DENND2B: variants seen among roughly 807,000 people sequenced by gnomAD.
DENND2B encodes DENN domain containing 2B, also known as DENN domain-containing protein 2B.
In DENND2B, 32 loss-of-function variants were observed where a neutral mutation model predicts 116.0. The observed-to-expected ratio is 0.28, with a 90% CI of 0.21 to 0.37. The LOEUF (loss-of-function observed/expected upper bound fraction) is 0.37, where lower values mean the gene tolerates loss of function less well. Among genes scored for constraint, DENND2B ranks in the 10% least tolerant of loss-of-function variants. The pLI is 1.00. For missense variants in DENND2B, 1,276 were observed against 1,477.7 expected (o/e 0.86, Z 2.24); for synonymous variants, 588 against 583.9 (o/e 1.01, Z -0.10).
chr11:8,776,853 CAG>C (rs753529117), intron 1 of DENND2B, among the ~76,000 whole-genome samples: 3 of 152,114 alleles, frequency 2.0e-5, no homozygotes, highest in Admixed American at 6.5e-5. Flanking sequence ...AGCCAGGGAA[CAG>C]AGAGAGAATG....
intron 4 of DENND2B, 119 bp downstream of exon 4, chr11:8,725,954 T>C: frequency 6.9e-7 from 1 of 1,452,262 alleles, no homozygotes; most frequent in Non-Finnish European, 9.5e-7. Flanking sequence ...CAGGAGGAGT[T>C]CCAGAAGGTG....
chr11:8,765,317 T>G (rs1176972678), intron 1 of DENND2B, among the ~76,000 whole-genome samples: 1 of 152,226 alleles, frequency 6.6e-6, no homozygotes, highest in Non-Finnish European at 1.5e-5. Flanking sequence ...TTCAGGTCTG[T>G]GCTTCTCAGA....
intron 16 of DENND2B, 25 bp downstream of exon 16, chr11:8,698,908 C>T (rs2040960292): frequency 6.2e-7 from 1 of 1,614,046 alleles, no homozygotes; most frequent in Non-Finnish European, 8.5e-7. Context: ...AGGAGCCCAA[C>T]TCTAGCAAGC....
intron 3 of DENND2B, among the ~76,000 whole-genome samples, chr11:8,849,201 G>A (rs1365807426): frequency 6.6e-6 from 1 of 152,042 alleles, no homozygotes; most frequent in South Asian, 2.1e-4. Context: ...AAGGTGAAGA[G>A]AATACTACAG....
At chr11:8,716,612 G>A (rs2044846431) in intron 5 of DENND2B, among the ~76,000 whole-genome samples, 1 of 151,746 alleles carries the variant, frequency 6.6e-6, no homozygotes, top group African/African-American at 2.4e-5. Context: ...AAACTCAGGG[G>A]AAGCCTGTTT....
intron 7 of DENND2B, 140 bp from the exon 8 acceptor site, chr11:8,714,182 A>G (rs893296150): frequency 5.9e-6 from 5 of 853,290 alleles, no homozygotes; most frequent in African/African-American, 1.7e-5. Flanking sequence ...AGGCATCTGC[A>G]GGCAGGGAGC....
chr11:8,830,121 G>A (rs761831875), intron 4 of DENND2B, among the ~76,000 whole-genome samples: 1 of 151,916 alleles, frequency 6.6e-6, no homozygotes, highest in African/African-American at 2.4e-5. Context: ...TATTTTCATC[G>A]ATCTACAGGA....
At chr11:8,792,901 G>A (rs774129231) in intron 1 of DENND2B, among the ~76,000 whole-genome samples, 3 of 152,204 alleles carry the variant, frequency 2.0e-5, no homozygotes, top group Non-Finnish European at 4.4e-5. Context: ...CCTTTGATCA[G>A]CAAATCTTTC....
intron 1 of DENND2B, among the ~76,000 whole-genome samples, chr11:8,898,762 T>A (rs567689646): frequency 6.6e-6 from 1 of 152,370 alleles, no homozygotes; most frequent in East Asian, 1.9e-4. Flanking sequence ...CAGTCATTTA[T>A]AGAAATAAAT....
chr11:8,773,697 C>G (rs1268911224), intron 1 of DENND2B, among the ~76,000 whole-genome samples: 1 of 152,058 alleles, frequency 6.6e-6, no homozygotes, highest in Non-Finnish European at 1.5e-5. Context: ...AAAAATCCTA[C>G]TGAAAAAAAT....
intron 1 of DENND2B, among the ~76,000 whole-genome samples, chr11:8,752,342 C>G (rs2134057847): frequency 6.6e-6 from 1 of 152,040 alleles, no homozygotes; most frequent in Non-Finnish European, 1.5e-5. Flanking sequence ...ATCTCAGCTA[C>G]TTGGGAGGCT....
At chr11:8,718,833 T>C in intron 4 of DENND2B, 2 of 997,648 alleles carry the variant, frequency 2.0e-6, no homozygotes, top group Non-Finnish European at 2.4e-6. Flanking sequence ...CCACAAGCTG[T>C]ATCTCCTGCC....
At chr11:8,714,779 AG>A (rs2044409012) in intron 6 of DENND2B, 73 bp from the exon 7 acceptor site, 19 of 1,285,086 alleles carry the variant, frequency 1.5e-5, no homozygotes, top group Non-Finnish European at 2.0e-5. Context: ...GCTGAGTAGG[AG>A]CCCATCCCTG....
chr11:8,820,393 C>T (rs1037384225), intron 4 of DENND2B, among the ~76,000 whole-genome samples: 3 of 152,194 alleles, frequency 2.0e-5, no homozygotes, highest in African/African-American at 7.2e-5. Flanking sequence ...CAGACTTTGA[C>T]TCAGTAGCCT....
chr11:8,861,686 C>G (rs781363132), intron 2 of DENND2B, among the ~76,000 whole-genome samples: 2 of 152,194 alleles, frequency 1.3e-5, no homozygotes, highest in Non-Finnish European at 2.9e-5. Context: ...TACTGGGTAT[C>G]TACTCAAAGG....
At chr11:8,753,800 G>A (rs2053031198) in intron 1 of DENND2B, among the ~76,000 whole-genome samples, 1 of 152,074 alleles carries the variant, frequency 6.6e-6, no homozygotes, top group African/African-American at 2.4e-5. Flanking sequence ...GACAATTCAT[G>A]GGGAAAGAAG....
At chr11:8,818,718 A>C (rs189289845) in intron 4 of DENND2B, among the ~76,000 whole-genome samples, 1 of 152,358 alleles carries the variant, frequency 6.6e-6, no homozygotes, top group East Asian at 1.9e-4. Flanking sequence ...CTTTAGAGAA[A>C]GAACTATGTC....
At chr11:8,742,991 G>A (rs2050486878) in intron 2 of DENND2B, among the ~76,000 whole-genome samples, 1 of 151,642 alleles carries the variant, frequency 6.6e-6, no homozygotes, top group African/African-American at 2.4e-5. Flanking sequence ...TTGAACCCGG[G>A]AGGCGGAGGT....
intron 4 of DENND2B, among the ~76,000 whole-genome samples, chr11:8,838,756 A>T (rs1213071328): frequency 6.6e-6 from 1 of 152,202 alleles, no homozygotes; most frequent in East Asian, 1.9e-4. Context: ...TCTAAATGGG[A>T]ATGTTATCTA....
Sources: gnomAD v4.1 joint callset for allele counts (sites outside exome capture counted in the v4.1 genomes callset) on GRCh38, gnomAD v4.1.1 for gene constraint, MANE v1.5 for transcripts, NCBI Gene and HGNC (gene_info 2026-07-23, HGNC 2026-07-21) for gene names.